The following AGO1 variants were observed in gnomAD, a reference collection of about 807,000 sequenced individuals.
AGO1 encodes argonaute RISC component 1.
AGO1 carries 11 observed loss-of-function variants against 109.2 expected under a neutral mutation model. That is an observed-to-expected ratio of 0.10 (90% CI 0.06 to 0.17). AGO1 has a LOEUF of 0.17. Ranked by LOEUF, AGO1 falls within the 10% of genes least tolerant of loss-of-function variation. The pLI is 1.00. For missense variants in AGO1, 574 were observed against 1,140.3 expected (o/e 0.50, Z 7.15); for synonymous variants, 422 against 418.6 (o/e 1.01, Z -0.10).
At chr1:35,906,568 G>C (rs1422622282) in intron 11 of AGO1, among the ~76,000 whole-genome samples, 1 of 152,132 alleles carries the variant, frequency 6.6e-6, no homozygotes, top group East Asian at 1.9e-4. Flanking sequence ...CAGCACTTTG[G>C]GAGGCTGAGG....
chr1:35,917,749 C>G (rs1645760653), intron 16 of AGO1, 22 bp downstream of exon 16: 1 of 1,606,228 alleles, frequency 6.2e-7, no homozygotes, highest in Non-Finnish European at 8.5e-7. Context: ...ACTGAGGCCT[C>G]CCATCCCCTC....
Position 35,923,514 on chromosome 1 carries a change from A to G in AGO1, c.*3907A>G, listed in dbSNP as rs890382760. 5.2e-5 allele frequency: 8 copies of G among 152,638 alleles called. No homozygotes were observed. Among genetic ancestry groups the G allele is most frequent in the Admixed American group, 6.5e-5 (1 of 15,286 alleles). 9.5% of individuals were successfully genotyped at this position (152,638 alleles called of 1,614,324 possible). A position where few individuals can be genotyped will look rare whatever the true frequency, so the allele number is the denominator to read the frequency against. On this transcript the variant is annotated 3_prime_UTR_variant, in exon 19 of 19. Transcript: ENST00000373204. ...ACATTGGGGGACGTTATTTTTATTTATATATGGGGCCTAGGCCAATCCAGG... is the reference window on the plus strand; with the variant it reads ...ACATTGGGGGACGTTATTTTTATTTGTATATGGGGCCTAGGCCAATCCAGG...
chr1:35,902,368 G>A, intron 11 of AGO1, 31 bp downstream of exon 11: 2 of 1,607,698 alleles, frequency 1.2e-6, no homozygotes, highest in African/African-American at 1.3e-5. Flanking sequence ...GGGTGGAAGG[G>A]TGGGAAGGAC....
Position 35,883,849 on chromosome 1 carries a change from C to T in AGO1, c.25+403C>T, listed in dbSNP as rs914263049. 6.6e-6 allele frequency among the ~76,000 whole-genome samples: 1 copy of T among 152,188 alleles called. No homozygotes were observed. Among genetic ancestry groups the T allele is most frequent in the Admixed American group, 6.5e-5 (1 of 15,278 alleles). On this transcript the variant is annotated intron_variant, in intron 1 of 18. Coordinates refer to ENST00000373204, the MANE Select transcript of AGO1 (RefSeq NM_012199.5). The surrounding 1 kb of genome is among the most constrained non-coding windows in gnomAD (Gnocchi z 5.4). Reference sequence around the variant, plus strand: ...TGCCGGGGGCGGGGGCTCCGCTGGGCTGGAATAGGCTAATGTCTCTTGGGA... The same window carrying T: ...TGCCGGGGGCGGGGGCTCCGCTGGGTTGGAATAGGCTAATGTCTCTTGGGA...
intron 11 of AGO1, among the ~76,000 whole-genome samples, chr1:35,902,983 A>G (rs375751020): frequency 1.3e-5 from 2 of 149,422 alleles, no homozygotes; most frequent in South Asian, 2.1e-4. Context: ...GAAGTCAACA[A>G]CCCCTCACCT....
chr1:35,871,316 T>C (rs981523547), intron 1 of AGO1, among the ~76,000 whole-genome samples: 24 of 151,486 alleles, frequency 1.6e-4, no homozygotes, highest in Admixed American at 1.3e-4. Flanking sequence ...GAGGCCGAGG[T>C]GGGTGGGTCG....
At chr1:35,870,323 G>A (rs1571329450) in intron 1 of AGO1, among the ~76,000 whole-genome samples, 2 of 151,228 alleles carry the variant, frequency 1.3e-5, no homozygotes, top group Non-Finnish European at 2.9e-5. Context: ...TCACTCTGTC[G>A]CCCAGGCTGG....
In AGO1 at chr1:35,883,624, C is replaced by G. The variant is rs543794309; in HGVS notation, c.25+178C>G. ...CCGGGGGAGAACCATGTGAAGAGAG[C>G]CCTGAGATGGGGGCTGTTTGTCCAA... is the stretch of plus-strand genomic sequence containing the variant. On this transcript the variant is annotated intron_variant, in intron 1 of 18. Transcript: ENST00000373204. The surrounding 1 kb of genome is among the most constrained non-coding windows in gnomAD (Gnocchi z 5.4). 6.6e-6 allele frequency among the ~76,000 whole-genome samples: 1 copy of G among 152,288 alleles called. No homozygotes were observed. The highest frequency in any genetic ancestry group is 2.1e-4 in the South Asian group (1 of 4,826).
intron 8 of AGO1, among the ~76,000 whole-genome samples, chr1:35,900,021 T>C (rs1242169397): frequency 6.6e-6 from 1 of 152,162 alleles, no homozygotes; most frequent in African/African-American, 2.4e-5. Context: ...ATATAGTATA[T>C]TGGGGAGTGG....
upstream of AGO1, chr1:35,882,738 G>A (rs1005336054): frequency 4.5e-6 from 4 of 890,010 alleles, no homozygotes; most frequent in Non-Finnish European, 5.4e-6. The surrounding 1 kb of genome is among the most constrained non-coding windows in gnomAD (Gnocchi z 5.1). Context: ...GGTGGCGTCA[G>A]TGAGTTCAGT....
intron 12 of AGO1, among the ~76,000 whole-genome samples, chr1:35,909,145 A>ATT (rs1307523618): frequency 3.9e-5 from 6 of 152,162 alleles, no homozygotes; most frequent in Non-Finnish European, 7.3e-5. Flanking sequence ...GGGTTCCAAG[A>ATT]AAGACTTCTT....
At position 35,895,400 on chromosome 1, in the gene AGO1, G is replaced by A. The variant is rs535601599; in HGVS notation, c.1020+131G>A. 4.8e-5 allele frequency: 48 copies of A among 1,003,720 alleles called. No homozygotes were observed. The African/African-American group carries it at 7.7e-4, about 16-fold the overall frequency. 62.2% of individuals were successfully genotyped at this position (1,003,720 alleles called of 1,614,324 possible). A position where few individuals can be genotyped will look rare whatever the true frequency, so the allele number is the denominator to read the frequency against. ...AGAAGGTATGAGGTAGTTCTCCTGT[G>A]AAATAGAGGCCTCATTCTTACCTGC... On this transcript the variant is annotated intron_variant, in intron 8 of 18. Coordinates refer to ENST00000373204, the MANE Select transcript of AGO1 (RefSeq NM_012199.5).
chr1:35,920,181 A>AT lies in AGO1; in HGVS notation c.*580dup, dbSNP rs1481124682. ...GGTTCAGAATCCAGTTTGTAGGAAG[A>AT]TTTTTTAATGGTTTTGGTTGCTCCT... On this transcript the variant is annotated 3_prime_UTR_variant, in exon 19 of 19. Transcript: ENST00000373204. 2 of 152,118 alleles carry AT rather than the reference A, an allele frequency of 1.3e-5. No individual in the cohort carries two copies. Among genetic ancestry groups the AT allele is most frequent in the East Asian group, 1.9e-4 (1 of 5,190 alleles). 9.4% of individuals were successfully genotyped at this position (152,118 alleles called of 1,614,324 possible).
chr1:35,886,673 A>G (rs1045012744), intron 1 of AGO1, among the ~76,000 whole-genome samples: 7 of 152,176 alleles, frequency 4.6e-5, no homozygotes, highest in Non-Finnish European at 7.3e-5. Context: ...GGCTACACCC[A>G]CAAACGTGCA....
rs963254787 is a variant in AGO1 at position 35,922,619 on chromosome 1, C to T, written c.*3012C>T. The T allele has an allele frequency of 2.6e-5, 4 of 153,380 alleles. No homozygotes were observed. Among genetic ancestry groups the T allele is most frequent in the African/African-American group, 7.2e-5 (3 of 41,418 alleles). The allele number at this position is 153,380 out of a possible 1,614,324, so 9.5% of individuals were successfully genotyped here. ...GCCGGCCTGCCTGCCTGCCTGCCTG[C>T]CTGCCTGCCTGTCTGCCTATGTGAT... On this transcript the variant is annotated 3_prime_UTR_variant, in exon 19 of 19. Transcript: ENST00000373204.
intron 2 of AGO1, among the ~76,000 whole-genome samples, chr1:35,889,363 C>CGTA (rs1354896382): frequency 6.6e-6 from 1 of 151,686 alleles, no homozygotes; most frequent in Non-Finnish European, 1.5e-5. Flanking sequence ...GCATCTGCCA[C>CGTA]CATGCCTGGC....
At chr1:35,914,301 T>A in intron 14 of AGO1, 27 bp downstream of exon 14, 1 of 1,590,118 alleles carries the variant, frequency 6.3e-7, no homozygotes, top group Non-Finnish European at 8.6e-7. Context: ...AGCTGCCTCA[T>A]AAGGTTCTCC....
chr1:35,879,597 T>C (rs1315333300), upstream of AGO1, among the ~76,000 whole-genome samples: 1 of 151,548 alleles, frequency 6.6e-6, no homozygotes, highest in African/African-American at 2.4e-5. Flanking sequence ...TAGCTGGGTG[T>C]GGTGGCATGT....
chr1:35,911,738 C>A (rs927084426), intron 12 of AGO1, among the ~76,000 whole-genome samples: 1 of 152,108 alleles, frequency 6.6e-6, no homozygotes, highest in African/African-American at 2.4e-5. Flanking sequence ...TTCCTGGTAC[C>A]TTAAATCACC....
Sources: allele counts gnomAD v4.1 joint callset (sites outside exome capture counted in the v4.1 genomes callset), GRCh38; gene constraint gnomAD v4.1.1; non-coding constraint Gnocchi (gnomAD v3.1); transcripts MANE v1.5; gene names NCBI Gene and HGNC (gene_info 2026-07-23, HGNC 2026-07-21).